ABCA13: variants seen among roughly 807,000 people sequenced by gnomAD.
ABCA13 encodes ATP-binding cassette sub-family A member 13.
ABCA13 carries 476 observed loss-of-function variants against 478.7 expected under a neutral mutation model. The ratio of observed to expected loss-of-function variants is 0.99; its 90% CI spans 0.92 to 1.07. ABCA13 has a LOEUF of 1.07. Ranked by LOEUF, ABCA13 falls within the 50% of genes least tolerant of loss-of-function variation. The pLI is 0.00. For missense variants in ABCA13, 6,060 were observed against 5,910.6 expected, an observed-to-expected ratio of 1.03 and a Z score of -0.83; for synonymous variants, 2,252 against 2,158.9, an observed-to-expected ratio of 1.04 and a Z score of -1.20.
intron 22 of ABCA13, among the ~76,000 whole-genome samples, chr7:48,298,035 G>A (rs1181014722): frequency 6.6e-6 from 1 of 150,590 alleles, no homozygotes; most frequent in Non-Finnish European, 1.5e-5. Flanking sequence ...TGCCCACCTC[G>A]GCCTCCCAAA....
chr7:48,431,625 G>A (rs1822161748), intron 42 of ABCA13, among the ~76,000 whole-genome samples: 2 of 152,114 alleles, frequency 1.3e-5, no homozygotes, highest in Non-Finnish European at 2.9e-5. Flanking sequence ...TTGTAGAATT[G>A]CCTATTTCTC....
At chr7:48,450,881 A>G (rs1219801875) in intron 42 of ABCA13, among the ~76,000 whole-genome samples, 13 of 151,916 alleles carry the variant, frequency 8.6e-5, no homozygotes, top group Admixed American at 7.2e-4. Context: ...CCTTAAGCAG[A>G]TTAATGTATT....
chr7:48,248,026 TTAAG>T (rs1791962592), intron 13 of ABCA13, among the ~76,000 whole-genome samples: 1 of 152,210 alleles, frequency 6.6e-6, no homozygotes, highest in Non-Finnish European at 1.5e-5. Flanking sequence ...TATTATTGGA[TTAAG>T]TTTTATTTTT....
At chr7:48,177,648 C>T (rs942567223) in intron 1 of ABCA13, among the ~76,000 whole-genome samples, 1 of 152,234 alleles carries the variant, frequency 6.6e-6, no homozygotes, top group Non-Finnish European at 1.5e-5. Flanking sequence ...GATTAGGCCA[C>T]ACGGATGACT....
intron 6 of ABCA13, among the ~76,000 whole-genome samples, chr7:48,228,873 A>G (rs1788645498): frequency 6.6e-6 from 1 of 152,214 alleles, no homozygotes; most frequent in African/African-American, 2.4e-5. Context: ...CTATTCTGAG[A>G]GATGCAAAAT....
intron 43 of ABCA13, among the ~76,000 whole-genome samples, chr7:48,458,404 T>A (rs1446083909): frequency 6.6e-6 from 1 of 152,212 alleles, no homozygotes; most frequent in Non-Finnish European, 1.5e-5. Flanking sequence ...GCATATAAGA[T>A]TGCCATTACA....
At chr7:48,320,842 C>T (rs1331097059) in intron 27 of ABCA13, among the ~76,000 whole-genome samples, 1 of 152,132 alleles carries the variant, frequency 6.6e-6, no homozygotes, top group Non-Finnish European at 1.5e-5. Flanking sequence ...CTCCCTTTGG[C>T]TAAAGGACAG....
At chr7:48,573,681 C>T (rs546612870) in intron 55 of ABCA13, among the ~76,000 whole-genome samples, 25 of 152,216 alleles carry the variant, frequency 1.6e-4, no homozygotes, top group Non-Finnish European at 2.6e-4. Flanking sequence ...CTGCAGTAAG[C>T]TATGATTGTA....
At chr7:48,579,077 C>T (rs113733131) in intron 55 of ABCA13, among the ~76,000 whole-genome samples, 6 of 152,260 alleles carry the variant, frequency 3.9e-5, no homozygotes, top group African/African-American at 1.4e-4. Flanking sequence ...TTGGATGTGA[C>T]AATGCCTTTT....
intron 42 of ABCA13, among the ~76,000 whole-genome samples, chr7:48,447,324 G>C (rs115818901): frequency 2.0e-5 from 3 of 152,054 alleles, no homozygotes; most frequent in Non-Finnish European, 2.9e-5. Flanking sequence ...AGTTGGGTAG[G>C]GCATCTTGAA....
chr7:48,570,113 G>A (rs572961572), intron 55 of ABCA13, among the ~76,000 whole-genome samples: 2 of 152,038 alleles, frequency 1.3e-5, no homozygotes, highest in East Asian at 3.9e-4. Flanking sequence ...GTCAGCATTT[G>A]CTTTGTGTGT....
At chr7:48,470,019 T>C (rs903544872) in intron 44 of ABCA13, among the ~76,000 whole-genome samples, 2 of 152,162 alleles carry the variant, frequency 1.3e-5, no homozygotes, top group African/African-American at 2.4e-5. Context: ...AAGGACCAAA[T>C]GACCCTCCTC....
intron 38 of ABCA13, among the ~76,000 whole-genome samples, chr7:48,392,722 A>G (rs1585130140): frequency 6.6e-6 from 1 of 152,160 alleles, no homozygotes; most frequent in African/African-American, 2.4e-5. Context: ...CATGGGAGAG[A>G]CTAGATACAG....
chr7:48,238,569 C>T (rs1418884533), intron 8 of ABCA13, among the ~76,000 whole-genome samples: 3 of 151,802 alleles, frequency 2.0e-5, no homozygotes, highest in Admixed American at 1.3e-4. Flanking sequence ...CCTGGGTTCA[C>T]GCCATTCTCC....
intron 23 of ABCA13, among the ~76,000 whole-genome samples, chr7:48,305,309 C>T (rs1265845174): frequency 6.6e-6 from 1 of 152,208 alleles, no homozygotes; most frequent in Non-Finnish European, 1.5e-5. Flanking sequence ...TTCAGTCCTT[C>T]TGGCCAGGTT....
chr7:48,352,511 A>G, intron 31 of ABCA13, 24 bp downstream of exon 31: 1 of 1,555,232 alleles, frequency 6.4e-7, no homozygotes, highest in Non-Finnish European at 8.7e-7. Context: ...GGCAGGAGCC[A>G]CCGACAGTGA....
chr7:48,227,695 T>G (rs1419977419), intron 6 of ABCA13, among the ~76,000 whole-genome samples: 2 of 152,228 alleles, frequency 1.3e-5, no homozygotes, highest in Non-Finnish European at 2.9e-5. Flanking sequence ...GTTGTTATAG[T>G]TTATAAATGG....
Position 48,273,344 on chromosome 7 carries a change from G to A in ABCA13, c.3678G>A (p.Glu1226=). The change falls in exon 17 of 62, where the codon GAG becomes GAA. Residue 1226 remains glutamate (E), a synonymous_variant. Coordinates refer to ENST00000435803, the MANE Select transcript of ABCA13 (RefSeq NM_152701.5). ...AAGCCAATGACTTCCATAATTGGGA[G>A]GACTTCCTGGATCTCAGGGATTTTT... ...VTQANDFHNW[E]DFLDLRDFLV... The A allele has an allele frequency of 1.2e-6, 2 of 1,613,602 alleles. No homozygotes were observed. Among genetic ancestry groups the A allele is most frequent in the Non-Finnish European group, 1.7e-6 (2 of 1,179,732 alleles).
In ABCA13 at chr7:48,638,117, T is replaced by A. The variant is rs565178465; in HGVS notation, c.14838-5171T>A. ...TGGTTGTGGGTAGCATGAAGGATAC[T>A]CTTAGATGCGAAGTCAGAGAGGAAG... is the stretch of plus-strand genomic sequence containing the variant. On this transcript the variant is annotated intron_variant, in intron 59 of 61. Coordinates refer to ENST00000435803, the MANE Select transcript of ABCA13 (RefSeq NM_152701.5). Among the ~76,000 whole-genome samples the A allele has an allele frequency of 2.0e-5, 3 of 152,266 alleles. 1 individual carries two copies. In the East Asian group the frequency reaches 5.8e-4, roughly 29 times the overall value.
Sources: allele counts gnomAD v4.1 joint callset (sites outside exome capture counted in the v4.1 genomes callset), GRCh38; gene constraint gnomAD v4.1.1; transcripts MANE v1.5; gene names NCBI Gene and HGNC (gene_info 2026-07-23, HGNC 2026-07-21).